Variants in PEBP1 observed in about 807,000 individuals in gnomAD.
PEBP1 encodes the protein phosphatidylethanolamine-binding protein 1.
Under a neutral mutation model 22.7 loss-of-function variants are expected in PEBP1, and 17 were observed. The observed-to-expected ratio is 0.75, with a 90% confidence interval of 0.51 to 1.12. PEBP1 has a LOEUF of 1.12. Among genes scored for constraint, PEBP1 ranks in the 50% most tolerant of loss-of-function variants. The pLI is 0.00. For missense variants in PEBP1, 205 were observed against 243.5 expected, an observed-to-expected ratio of 0.84 and a Z score of 1.05; for synonymous variants, 106 against 104.3, an observed-to-expected ratio of 1.02 and a Z score of -0.10.
chr12:118,137,947 A>C, intron 1 of PEBP1, 92 bp from the exon 2 acceptor site: 1 of 832,076 alleles, frequency 1.2e-6, no homozygotes, highest in Non-Finnish European at 2.0e-6. Context: ...TAGGCCTCCC[A>C]AAGTGCTGGG....
At position 118,138,138 on chromosome 12, in the gene PEBP1, C is replaced by G; in HGVS notation, c.235C>G (p.Pro79Ala). ...TDPDAPSRKD[P>A]KYREWHHFLV... ...CCCGGATGCTCCCAGCAGGAAGGAT[C>G]CCAAATACAGGTGAGAGGTGAGAAA... The change falls in exon 2 of 4, where the codon CCC (proline) becomes GCC (alanine). Residue 79 changes from proline (P) to alanine (A), a missense_variant. Pro to Ala is a conservative substitution (Grantham distance 27, BLOSUM62 -1). Coordinates refer to ENST00000261313, the MANE Select transcript of PEBP1 (RefSeq NM_002567.4). 1 of 1,607,942 alleles carries G rather than the reference C, an allele frequency of 6.2e-7. No individual in the cohort carries two copies. The highest frequency in any genetic ancestry group is 8.5e-7 in the Non-Finnish European group (1 of 1,174,756).
intron 3 of PEBP1, among the ~76,000 whole-genome samples, chr12:118,141,578 A>T (rs1426302801): frequency 2.6e-5 from 4 of 152,194 alleles, no homozygotes; most frequent in Admixed American, 2.6e-4. Context: ...TACCAAAAAT[A>T]CAAAAATTAT....
At chr12:118,139,288 G>A (rs1336294794) in intron 2 of PEBP1, among the ~76,000 whole-genome samples, 163 bp from the exon 3 acceptor site, 1 of 148,706 alleles carries the variant, frequency 6.7e-6, no homozygotes, top group African/African-American at 2.5e-5. Context: ...TTCCAGCCTG[G>A]GTGACAGAGT....
At chr12:118,137,043 T>A (rs189391426) in intron 1 of PEBP1, among the ~76,000 whole-genome samples, 1 of 152,312 alleles carries the variant, frequency 6.6e-6, no homozygotes, top group East Asian at 1.9e-4. Flanking sequence ...AGAATTTAAT[T>A]TTTTTGGATG....
chr12:118,145,247 A>G lies in PEBP1; in HGVS notation c.*444A>G, dbSNP rs957223348. 1 of 342,142 alleles carries G rather than the reference A, an allele frequency of 2.9e-6. No individual in the cohort carries two copies. Among genetic ancestry groups the G allele is most frequent in the Non-Finnish European group, 5.6e-6 (1 of 179,084 alleles). The allele number at this position is 342,142 out of a possible 1,614,324, so 21.2% of individuals were successfully genotyped here. ...CCAGAATGGTACACAATGTGATTTT[A>G]TGGTGATGTCACTCACCTAGACAAC... On this transcript the variant is annotated 3_prime_UTR_variant, in exon 4 of 4. Transcript: ENST00000261313.
At position 118,145,312 on chromosome 12, in the gene PEBP1, C is replaced by G; in HGVS notation, c.*509C>G. On this transcript the variant is annotated 3_prime_UTR_variant, in exon 4 of 4. Coordinates refer to ENST00000261313, the MANE Select transcript of PEBP1 (RefSeq NM_002567.4). ...GAGGCTAACCTCCAACACAGTGCAT[C>G]TCAGATGCCTCAGTAGGCATCAGTA... is the stretch of plus-strand genomic sequence containing the variant. 1 of 297,710 alleles carries G rather than the reference C, an allele frequency of 3.4e-6. No homozygotes were observed. Among genetic ancestry groups the G allele is most frequent in the South Asian group, 3.1e-5 (1 of 32,644 alleles). The allele number at this position is 297,710 out of a possible 1,614,324, so 18.4% of individuals were successfully genotyped here.
rs2034096240 is a variant in PEBP1, at chr12:118,139,492, ACAT to A, written c.290_292del (p.Ile97del). On this transcript the variant is annotated inframe_deletion, in exon 3 of 4. Coordinates refer to ENST00000261313, the MANE Select transcript of PEBP1 (RefSeq NM_002567.4). ...CTGGTGGTCAACATGAAGGGCAATG[ACAT>A]CAGCAGTGGCACAGTCCTCTCCGAT... 6.2e-7 allele frequency: 1 copy of A among 1,613,244 alleles called. No individual in the cohort carries two copies. Among genetic ancestry groups the A allele is most frequent in the Non-Finnish European group, 8.5e-7 (1 of 1,179,792 alleles).
rs2034096218 is a variant in PEBP1, at chr12:118,139,493, C to T, written c.288C>T (p.Asp96=). Residue 96 remains aspartate, a synonymous_variant, in exon 3 of 4, where the codon GAC becomes GAT. Transcript: ENST00000261313. ...HFLVVNMKGN[D]ISSGTVLSDY... is the part of the protein sequence containing the mutation. ...TGGTGGTCAACATGAAGGGCAATGA[C>T]ATCAGCAGTGGCACAGTCCTCTCCG... is the stretch of plus-strand genomic sequence containing the variant. 2 of 1,613,358 alleles carry T rather than the reference C, an allele frequency of 1.2e-6. No homozygotes were observed. The highest frequency in any genetic ancestry group is 1.7e-6 in the Non-Finnish European group (2 of 1,179,748).
chr12:118,140,243 T>G (rs2034102811), intron 3 of PEBP1, among the ~76,000 whole-genome samples: 1 of 152,202 alleles, frequency 6.6e-6, no homozygotes, highest in Non-Finnish European at 1.5e-5. Context: ...TCAGGATGTT[T>G]CCATTTGGTG....
In PEBP1 at chr12:118,136,220, AC is replaced by A; in HGVS notation, c.13del (p.Leu5SerfsTer8). On this transcript the variant is annotated frameshift_variant, in exon 1 of 4. Coordinates refer to ENST00000261313, the MANE Select transcript of PEBP1 (RefSeq NM_002567.4). LOFTEE classifies it high-confidence loss of function. This position sits in a 1 kb window ranked among gnomAD's most constrained non-coding sequence, Gnocchi z 5.6. ...CTGCTTGGCCTCGCCATGCCGGTGG[AC>A]CTCAGCAAGTGGTCCGGGCCCTTGA... MPV[D>X]LSKWSGPLSL... 6.5e-7 allele frequency: 1 copy of A among 1,545,956 alleles called. No individual in the cohort carries two copies. The highest frequency in any genetic ancestry group is 8.7e-7 in the Non-Finnish European group (1 of 1,146,472).
Position 118,145,295 on chromosome 12 carries a change from C to A in PEBP1, c.*492C>A, listed in dbSNP as rs183317176. The A allele has an allele frequency of 1.6e-3, 507 of 322,090 alleles. 2 individuals are homozygous for A. The highest frequency in any genetic ancestry group is 2.4e-3 in the Non-Finnish European group (406 of 168,116). 20.0% of individuals were successfully genotyped at this position (322,090 alleles called of 1,614,324 possible). Reference sequence around the variant, plus strand: ...AACCAGAGGCTGGCATTGAGGCTAACCTCCAACACAGTGCATCTCAGATGC... The same window carrying A: ...AACCAGAGGCTGGCATTGAGGCTAAACTCCAACACAGTGCATCTCAGATGC... On this transcript the variant is annotated 3_prime_UTR_variant, in exon 4 of 4. Coordinates refer to ENST00000261313, the MANE Select transcript of PEBP1 (RefSeq NM_002567.4).
intron 3 of PEBP1, among the ~76,000 whole-genome samples, chr12:118,143,940 A>C (rs978851811): frequency 6.6e-6 from 1 of 151,936 alleles, no homozygotes; most frequent in Non-Finnish European, 1.5e-5. Context: ...TTAAAAAAAT[A>C]AGAGCTCATG....
At chr12:118,139,630 T>A in intron 3 of PEBP1, 79 bp downstream of exon 3, 1 of 862,494 alleles carries the variant, frequency 1.2e-6, no homozygotes, top group Non-Finnish European at 1.9e-6. Flanking sequence ...GCTTTTCTTT[T>A]GAGAGCCCTT....
In PEBP1 at chr12:118,145,168, TAAA is replaced by T. The variant is rs767298850; in HGVS notation, c.*384_*386del. 6.4e-3 allele frequency: 1,632 copies of T among 254,098 alleles called. No individual in the cohort carries two copies. Among genetic ancestry groups the T allele is most frequent in the Middle Eastern group, 0.017 (12 of 702 alleles). The allele number at this position is 254,098 out of a possible 1,614,324, so 15.7% of individuals were successfully genotyped here. A position where few individuals can be genotyped will look rare whatever the true frequency, so the allele number is the denominator to read the frequency against. On this transcript the variant is annotated 3_prime_UTR_variant, in exon 4 of 4. Coordinates refer to ENST00000261313, the MANE Select transcript of PEBP1 (RefSeq NM_002567.4). ...CATCAAAGAATCTTTAAGGGAGGTT[TAAA>T]AAAAAAAAAAAAAAAAAAGATTGGT...
chr12:118,140,193 C>G (rs969173400), intron 3 of PEBP1, among the ~76,000 whole-genome samples: 1 of 152,162 alleles, frequency 6.6e-6, no homozygotes, highest in Non-Finnish European at 1.5e-5. Context: ...GCCACCTAAG[C>G]TGATGGTGAG....
intron 3 of PEBP1, among the ~76,000 whole-genome samples, chr12:118,143,446 AAAT>A (rs1374041268): frequency 6.6e-6 from 1 of 152,202 alleles, no homozygotes; most frequent in African/African-American, 2.4e-5. Context: ...AGTAAAGAAA[AAAT>A]AAAAGGCTGG....
Position 118,144,623 on chromosome 12 carries a change from C to T in PEBP1, c.384C>T (p.Asp128=). 1 of 1,613,982 alleles carries T rather than the reference C, an allele frequency of 6.2e-7. No individual in the cohort carries two copies. Among genetic ancestry groups the T allele is most frequent in the South Asian group, 1.1e-5 (1 of 91,052 alleles). Residue 128 remains aspartate, a synonymous_variant, in exon 4 of 4, where the codon GAC becomes GAT. Coordinates refer to ENST00000261313, the MANE Select transcript of PEBP1 (RefSeq NM_002567.4). ...HRYVWLVYEQ[D]RPLKCDEPIL... ...ATGTCTGGCTGGTTTACGAGCAGGA[C>T]AGGCCGCTAAAGTGTGACGAGCCCA...
intron 1 of PEBP1, among the ~76,000 whole-genome samples, chr12:118,137,524 C>T (rs75514589): frequency 0.03 from 4,627 of 152,162 alleles, 255 homozygotes; most frequent in East Asian, 0.21. Context: ...CACTACACTC[C>T]GGCCTGAGTG....
chr12:118,138,084 G>C lies in PEBP1; in HGVS notation c.181G>C (p.Gly61Arg). ...CATTTCGTGGGATGGTCTTGATTCAGGGAAGCTCTACACCTTGGTCCTGAC... is the reference window on the plus strand; with the variant it reads ...CATTTCGTGGGATGGTCTTGATTCACGGAAGCTCTACACCTTGGTCCTGAC... ...TSISWDGLDSGKLYTLVLTDP... is the reference protein window; with the variant it reads ...TSISWDGLDSRKLYTLVLTDP... The change falls in exon 2 of 4, where the codon GGG becomes CGG. Residue 61 changes from glycine to arginine, a missense_variant. Coordinates refer to ENST00000261313, the MANE Select transcript of PEBP1 (RefSeq NM_002567.4). 6.2e-7 allele frequency: 1 copy of C among 1,613,796 alleles called. No homozygotes were observed. Among genetic ancestry groups the C allele is most frequent in the Admixed American group, 1.7e-5 (1 of 59,990 alleles).
Sources: allele counts gnomAD v4.1 joint callset (sites outside exome capture counted in the v4.1 genomes callset), GRCh38; gene constraint gnomAD v4.1.1; non-coding constraint Gnocchi (gnomAD v3.1); transcripts MANE v1.5; gene names NCBI Gene and HGNC (gene_info 2026-07-23, HGNC 2026-07-21).